ST7: variants seen among roughly 807,000 people sequenced by gnomAD.
ST7 encodes suppression of tumorigenicity 7.
Under a neutral mutation model 78.7 loss-of-function variants are expected in ST7, and 28 were observed. The observed-to-expected ratio is 0.36, with a 90% CI of 0.26 to 0.49. ST7 has a LOEUF of 0.49. ST7 is among the 20% of genes least tolerant of loss of function. The pLI, the probability that ST7 is intolerant of heterozygous loss-of-function variation, is 0.99. For synonymous variants in ST7, 247 were observed against 249.6 expected (o/e 0.99, Z 0.10); for missense variants, 418 against 696.0 (o/e 0.60, Z 4.49).
intron 6 of ST7, among the ~76,000 whole-genome samples, chr7:117,132,302 C>T (rs1804425916): frequency 6.6e-6 from 1 of 151,598 alleles, no homozygotes; most frequent in African/African-American, 2.4e-5. Flanking sequence ...TGCTCATCTG[C>T]ACTAGAACAT....
Position 117,119,652 on chromosome 7 carries a change from A to C in ST7, c.326A>C (p.Asp109Ala). ...TTGCGCCCCCTTCTGGGAGGGGTTG[A>C]CAACAACTCTTCCAACAATTCTAAT... ...SHLRPLLGGV[D>A]NNSSNNSNSS... The change falls in exon 3 of 16, where the codon GAC becomes GCC. Residue 109 changes from aspartate (D) to alanine (A), a missense_variant. Coordinates refer to ENST00000323984, the MANE Select transcript of ST7 (RefSeq NM_001369598.1). 1 of 1,613,988 alleles carries C rather than the reference A, an allele frequency of 6.2e-7. No individual in the cohort carries two copies. The highest frequency in any genetic ancestry group is 2.2e-5 in the East Asian group (1 of 44,864).
At chr7:117,170,404 A>G (rs1807898185) in intron 9 of ST7, among the ~76,000 whole-genome samples, 1 of 152,222 alleles carries the variant, frequency 6.6e-6, no homozygotes, top group Non-Finnish European at 1.5e-5. Context: ...TCAGTATTAT[A>G]CTTTAAAAAT....
intron 13 of ST7, among the ~76,000 whole-genome samples, chr7:117,214,425 A>G (rs1187089509): frequency 1.3e-5 from 2 of 152,162 alleles, no homozygotes; most frequent in East Asian, 3.9e-4. Flanking sequence ...TTCTGATTCT[A>G]ATTTATTCTC....
At chr7:116,973,520 G>A (rs959718177) in intron 1 of ST7, among the ~76,000 whole-genome samples, 2 of 152,194 alleles carry the variant, frequency 1.3e-5, no homozygotes, top group African/African-American at 2.4e-5. Flanking sequence ...GCCTCCCAAG[G>A]TGTTGGGATT....
intron 2 of ST7, among the ~76,000 whole-genome samples, chr7:117,104,643 T>C (rs966314354): frequency 1.3e-5 from 2 of 152,204 alleles, no homozygotes; most frequent in Non-Finnish European, 2.9e-5. Flanking sequence ...AGGAAATCAG[T>C]ATGTCAAAGA....
At chr7:117,063,928 A>G (rs537518850) in intron 1 of ST7, among the ~76,000 whole-genome samples, 1 of 152,344 alleles carries the variant, frequency 6.6e-6, no homozygotes, top group East Asian at 1.9e-4. Context: ...ACTAATGTGT[A>G]TCAGTGTTCT....
intron 13 of ST7, 142 bp downstream of exon 13, chr7:117,210,079 A>C (rs1792158786): frequency 1.0e-6 from 1 of 984,694 alleles, no homozygotes; most frequent in Non-Finnish European, 1.4e-6. Context: ...CCAGTTAGTG[A>C]CTTAGGTTCT....
At chr7:117,102,204 A>G (rs1801613961) in intron 2 of ST7, among the ~76,000 whole-genome samples, 1 of 152,212 alleles carries the variant, frequency 6.6e-6, no homozygotes, top group Admixed American at 6.5e-5. Context: ...TTATTTTACT[A>G]TTATTACTTT....
At chr7:117,076,999 T>A (rs567088676) in intron 1 of ST7, among the ~76,000 whole-genome samples, 10 of 152,132 alleles carry the variant, frequency 6.6e-5, no homozygotes, top group Non-Finnish European at 1.5e-4. Flanking sequence ...TTTTTCTTGA[T>A]GATGAAAGTG....
intron 12 of ST7, among the ~76,000 whole-genome samples, chr7:117,196,692 A>G (rs1810350074): frequency 1.6e-5 from 1 of 62,424 alleles, no homozygotes. Flanking sequence ...TTTCAATATT[A>G]ACCCCTTATT....
intron 9 of ST7, chr7:117,145,372 A>C (rs1805681879): frequency 6.6e-6 from 1 of 152,194 alleles, no homozygotes; most frequent in Non-Finnish European, 1.5e-5. Context: ...AGATAGTTTA[A>C]ACAACAGAAA....
At chr7:117,161,122 A>G (rs759160391) in intron 9 of ST7, among the ~76,000 whole-genome samples, 51 of 152,048 alleles carry the variant, frequency 3.4e-4, no homozygotes, top group Admixed American at 1.0e-3. Flanking sequence ...TTAAATGCCA[A>G]CACCACCATA....
At chr7:116,996,721 A>G (rs1280509023) in intron 1 of ST7, among the ~76,000 whole-genome samples, 4 of 152,196 alleles carry the variant, frequency 2.6e-5, no homozygotes, top group African/African-American at 9.7e-5. Flanking sequence ...GTGCAAATGA[A>G]TAACTCCCTT....
chr7:117,005,572 G>A (rs73475024), intron 1 of ST7, among the ~76,000 whole-genome samples: 5,498 of 152,188 alleles, frequency 0.036, 339 homozygotes, highest in African/African-American at 0.12. Context: ...AAGAGATTCC[G>A]TTTCTTCTTC....
At position 117,003,990 on chromosome 7, in the gene ST7, G is replaced by C. The variant is rs1456279094; in HGVS notation, c.151+50299G>C. Among the ~76,000 whole-genome samples the C allele has an allele frequency of 2.0e-5, 3 of 152,178 alleles. 1 individual carries two copies. Among genetic ancestry groups the C allele is most frequent in the African/African-American group, 7.2e-5 (3 of 41,440 alleles). ...TCAAAATGAGAATGAGACTGCCATT[G>C]TCTGTTGTCTACCTTTTAAATTGAA... On this transcript the variant is annotated intron_variant, in intron 1 of 15. Transcript: ENST00000323984.
At chr7:117,113,033 G>C (rs1394593656) in intron 2 of ST7, among the ~76,000 whole-genome samples, 1 of 152,214 alleles carries the variant, frequency 6.6e-6, no homozygotes, top group Non-Finnish European at 1.5e-5. Context: ...TGGCAGAAGT[G>C]AAGAAGGTGA....
intron 9 of ST7, among the ~76,000 whole-genome samples, chr7:117,148,533 G>A (rs559744383): frequency 1.4e-4 from 21 of 152,120 alleles, no homozygotes; most frequent in South Asian, 4.1e-4. Flanking sequence ...TTTTTTGAGC[G>A]TGTGTGCTGT....
chr7:117,068,470 T>C (rs1798755190), intron 1 of ST7, among the ~76,000 whole-genome samples: 1 of 152,258 alleles, frequency 6.6e-6, no homozygotes, highest in South Asian at 2.1e-4. Flanking sequence ...ATCTGCAGTA[T>C]GTTACACATC....
chr7:117,222,829 A>G, intron 15 of ST7: 1 of 1,544,798 alleles, frequency 6.5e-7, no homozygotes, highest in South Asian at 1.1e-5. Flanking sequence ...GATGATTTCT[A>G]ACTTGGCTGG....
Sources: gnomAD v4.1 joint callset for allele counts (sites outside exome capture counted in the v4.1 genomes callset) on GRCh38, gnomAD v4.1.1 for gene constraint, MANE v1.5 for transcripts, NCBI Gene and HGNC (gene_info 2026-07-23, HGNC 2026-07-21) for gene names.